The following ILKAP variants were observed in gnomAD, a reference collection of about 807,000 sequenced individuals.
ILKAP encodes ILK associated serine/threonine phosphatase.
Under a neutral mutation model 49.1 loss-of-function variants are expected in ILKAP, and 11 were observed. The ratio of observed to expected loss-of-function variants is 0.22; its 90% confidence interval spans 0.14 to 0.37. The LOEUF is 0.37. Ranked by LOEUF, ILKAP falls within the 10% of genes least tolerant of loss-of-function variation. ILKAP has a pLI of 1.00. For missense variants in ILKAP, 363 were observed against 510.8 expected (o/e 0.71, Z 2.79); for synonymous variants, 186 against 192.8 (o/e 0.96, Z 0.29).
At chr2:238,190,032 A>G in intron 3 of ILKAP, 60 bp from the exon 4 acceptor site, 2 of 1,576,794 alleles carry the variant, frequency 1.3e-6, no homozygotes. Flanking sequence ...AAAAGTCACT[A>G]GTAGACTGGG....
intron 10 of ILKAP, 56 bp from the exon 11 acceptor site, chr2:238,171,080 A>C: frequency 8.3e-7 from 1 of 1,207,176 alleles, no homozygotes. Context: ...AAAATAAAAA[A>C]TAAAAAAAGG....
chr2:238,198,177 TA>T (rs36067766), intron 1 of ILKAP, among the ~76,000 whole-genome samples: 6 of 150,984 alleles, frequency 4.0e-5, no homozygotes, highest in African/African-American at 1.2e-4. Context: ...GTGGATTCTT[TA>T]AAAAAAAATC....
intron 1 of ILKAP, 82 bp from the exon 2 acceptor site, chr2:238,194,952 C>T: frequency 9.0e-7 from 1 of 1,109,474 alleles, no homozygotes; most frequent in Non-Finnish European, 1.4e-6. Flanking sequence ...TGTGGTCTCC[C>T]CTGCTTTGAC....
chr2:238,195,327 A>G (rs72991027), intron 1 of ILKAP, among the ~76,000 whole-genome samples: 2,849 of 152,260 alleles, frequency 0.019, 32 homozygotes, highest in South Asian at 0.061. Flanking sequence ...GTTTATAAAA[A>G]TCCTATTTCG....
chr2:238,183,763 C>T (rs1302390577), intron 7 of ILKAP, 23 bp from the exon 8 acceptor site: 2 of 1,561,864 alleles, frequency 1.3e-6, no homozygotes, highest in South Asian at 1.1e-5. Context: ...ACATCAGAAA[C>T]ACAGTCACCA....
intron 3 of ILKAP, among the ~76,000 whole-genome samples, chr2:238,191,634 G>A (rs1424922400): frequency 6.6e-6 from 1 of 152,198 alleles, no homozygotes; most frequent in Admixed American, 6.5e-5. Flanking sequence ...ATGGCCAGGT[G>A]TGGTGGTTCA....
intron 6 of ILKAP, 80 bp downstream of exon 6, chr2:238,185,101 A>T: frequency 1.2e-6 from 1 of 858,182 alleles, no homozygotes; most frequent in Non-Finnish European, 1.9e-6. Context: ...AAGCCAAAAT[A>T]ACACATCTGA....
Position 238,203,607 on chromosome 2 carries a change from C to CG in ILKAP, c.-55dup. ...CGACAGACACTCAGCCCGCGAGCAG[C>CG]GGCCGGGCTCCACACCCCGGGCGGG... On this transcript the variant is annotated 5_prime_UTR_variant, in exon 1 of 12. Transcript: ENST00000254654. The CG allele has an allele frequency of 1.9e-6, 2 of 1,072,330 alleles. No homozygotes were observed. The highest frequency in any genetic ancestry group is 2.3e-6 in the Non-Finnish European group (2 of 869,376). 66.4% of individuals were successfully genotyped at this position (1,072,330 alleles called of 1,614,324 possible).
Position 238,171,015 on chromosome 2 carries a change from C to T in ILKAP, c.966G>A (p.Leu322=), listed in dbSNP as rs1406733481. ...CQLTPNDRFI[L]LACDGLFKVF... Reference sequence around the variant, plus strand: ...CCTTGAAGAGCCCATCACAGGCCAACAAAATGAACCTACAACACCAGGGAG... The same window carrying T: ...CCTTGAAGAGCCCATCACAGGCCAATAAAATGAACCTACAACACCAGGGAG... The change falls in exon 11 of 12, where the codon TTG becomes TTA. Residue 322 remains leucine (L), a synonymous_variant. Coordinates refer to ENST00000254654, the MANE Select transcript of ILKAP (RefSeq NM_030768.3). The T allele has an allele frequency of 1.2e-6, 2 of 1,613,186 alleles. No homozygotes were observed. The highest frequency in any genetic ancestry group is 1.7e-6 in the Non-Finnish European group (2 of 1,179,676).
At chr2:238,173,456 G>T in intron 10 of ILKAP, 78 bp downstream of exon 10, 2 of 1,559,826 alleles carry the variant, frequency 1.3e-6, no homozygotes. Context: ...TCCAACAAAG[G>T]CTTGATAGAA....
chr2:238,191,375 G>A (rs1055855732), intron 3 of ILKAP, among the ~76,000 whole-genome samples: 2 of 152,120 alleles, frequency 1.3e-5, no homozygotes, highest in African/African-American at 4.8e-5. Flanking sequence ...GCCTGTGTCA[G>A]ACATTTCTTA....
intron 3 of ILKAP, among the ~76,000 whole-genome samples, chr2:238,191,142 A>G (rs577420113): frequency 6.7e-6 from 1 of 150,168 alleles, no homozygotes; most frequent in East Asian, 1.9e-4. Flanking sequence ...TTTTTGGTAA[A>G]CACAAGGTGT....
intron 5 of ILKAP, 98 bp downstream of exon 5, chr2:238,188,033 T>TTA: frequency 1.5e-6 from 2 of 1,355,432 alleles, no homozygotes; most frequent in Non-Finnish European, 2.1e-6. Context: ...AAGTGATGTG[T>TTA]TAGATTTTCT....
chr2:238,194,950 C>T, intron 1 of ILKAP, 80 bp from the exon 2 acceptor site: 1 of 1,156,090 alleles, frequency 8.6e-7, no homozygotes. Flanking sequence ...CATGTGGTCT[C>T]CCCTGCTTTG....
At position 238,203,661 on chromosome 2, in the gene ILKAP, G is replaced by A. The variant is rs1694676221; in HGVS notation, c.-108C>T. 1.8e-6 allele frequency: 1 copy of A among 552,832 alleles called. No individual in the cohort carries two copies. Among genetic ancestry groups the A allele is most frequent in the Non-Finnish European group, 2.5e-6 (1 of 404,078 alleles). 34.2% of individuals were successfully genotyped at this position (552,832 alleles called of 1,614,324 possible). A position where few individuals can be genotyped will look rare whatever the true frequency, so the allele number is the denominator to read the frequency against. ...CAGCAGCGGGCGGGCGACGGGCAGG[G>A]GCGGCCGGCGCCGTCAGTCACCTGC... On this transcript the variant is annotated 5_prime_UTR_variant, in exon 1 of 12. Coordinates refer to ENST00000254654, the MANE Select transcript of ILKAP (RefSeq NM_030768.3).
At position 238,170,981 on chromosome 2, in the gene ILKAP, G is replaced by C. The variant is rs1349617802; in HGVS notation, c.1000C>G (p.Pro334Ala). ...ACDGLFKVFT[P>A]EEAVNFILSC... is the part of the protein sequence containing the mutation. ...AAGATGAAGTTCACGGCTTCTTCTG[G>C]GGTAAAGACCTTGAAGAGCCCATCA... The change falls in exon 11 of 12, where the codon CCA (proline) becomes GCA (alanine). Residue 334 changes from proline (P) to alanine (A), a missense_variant. Coordinates refer to ENST00000254654, the MANE Select transcript of ILKAP (RefSeq NM_030768.3). 6.2e-7 allele frequency: 1 copy of C among 1,613,928 alleles called. No homozygotes were observed. The highest frequency in any genetic ancestry group is 8.5e-7 in the Non-Finnish European group (1 of 1,179,990).
chr2:238,203,502 C>A lies in ILKAP; in HGVS notation c.52G>T (p.Ala18Ser). Residue 18 changes from alanine to serine, a missense_variant, in exon 1 of 12, where the codon GCC becomes TCC. Transcript: ENST00000254654. ...GCCCGGCGGCAACGCCGCTTACCGG[C>A]AGCCGGGCGCGGCGAGCGCTCGGGC... ...PEPERSPRPA[A>S]GKEAQKGPLL... is the part of the protein sequence containing the mutation. 2 of 1,253,742 alleles carry A rather than the reference C, an allele frequency of 1.6e-6. No homozygotes were observed. The highest frequency in any genetic ancestry group is 3.3e-5 in the Admixed American group (1 of 30,724). 77.7% of individuals were successfully genotyped at this position (1,253,742 alleles called of 1,614,324 possible).
Position 238,182,193 on chromosome 2 carries a change from A to C in ILKAP, c.715-7T>G. 6.2e-7 allele frequency: 1 copy of C among 1,613,234 alleles called. No individual in the cohort carries two copies. The highest frequency in any genetic ancestry group is 8.5e-7 in the Non-Finnish European group (1 of 1,179,310). On this transcript the variant is annotated splice_region_variant and splice_polypyrimidine_tract_variant and intron_variant, in intron 8 of 11. Coordinates refer to ENST00000254654, the MANE Select transcript of ILKAP (RefSeq NM_030768.3). ...TATAACGACACAAGATTGCCTGGGA[A>C]GATGGAGATTGTAATAGTCATGAAA...
intron 5 of ILKAP, among the ~76,000 whole-genome samples, chr2:238,187,667 A>C (rs1693961764): frequency 6.6e-6 from 1 of 152,052 alleles, no homozygotes; most frequent in Non-Finnish European, 1.5e-5. Context: ...TTCATACTTT[A>C]ATTAGTGGCT....
Sources: gnomAD v4.1 joint callset for allele counts (sites outside exome capture counted in the v4.1 genomes callset) on GRCh38, gnomAD v4.1.1 for gene constraint, MANE v1.5 for transcripts, NCBI Gene and HGNC (gene_info 2026-07-23, HGNC 2026-07-21) for gene names.